Variants in HIVEP2 observed in about 807,000 individuals in gnomAD.
The protein encoded by HIVEP2 is HIVEP zinc finger 2, also known as transcription factor HIVEP2.
A neutral mutation model predicts 180.7 loss-of-function variants in HIVEP2; 14 were observed. The observed-to-expected ratio is 0.08, with a 90% confidence interval of 0.05 to 0.12. HIVEP2 has a LOEUF of 0.12. HIVEP2 is among the 10% of genes least tolerant of loss of function. The probability of loss-of-function intolerance (pLI) is 1.00; values close to 1 mark genes in which losing one functional copy is unlikely to be tolerated. For missense variants in HIVEP2, 2,579 were observed against 3,008.5 expected (o/e 0.86, Z 3.34); for synonymous variants, 1,184 against 1,136.4 (o/e 1.04, Z -0.84).
chr6:142,884,242 G>GAAATT (rs1312046769), intron 1 of HIVEP2, among the ~76,000 whole-genome samples: 3 of 151,846 alleles, frequency 2.0e-5, no homozygotes, highest in African/African-American at 7.3e-5. Context: ...AAACCATTAA[G>GAAATT]AAATTAATTA....
intron 2 of HIVEP2, among the ~76,000 whole-genome samples, chr6:142,821,867 G>A (rs1777048491): frequency 1.3e-5 from 2 of 152,198 alleles, no homozygotes; most frequent in Non-Finnish European, 2.9e-5. Context: ...ATGGGACATA[G>A]AGGCAGGCAT....
intron 2 of HIVEP2, among the ~76,000 whole-genome samples, chr6:142,808,473 G>A (rs1441955951): frequency 1.3e-5 from 2 of 149,282 alleles, no homozygotes; most frequent in Admixed American, 1.3e-4. Flanking sequence ...AGAGAGAGAT[G>A]TGGGAGGGAT....
intron 1 of HIVEP2, among the ~76,000 whole-genome samples, chr6:142,848,852 T>TGG (rs1168946896): frequency 6.6e-6 from 1 of 152,194 alleles, no homozygotes; most frequent in African/African-American, 2.4e-5. Flanking sequence ...TTAAATCAAG[T>TGG]GAAAGCACCA....
intron 2 of HIVEP2, among the ~76,000 whole-genome samples, chr6:142,797,680 A>AG (rs1262459553): frequency 6.6e-6 from 1 of 152,164 alleles, no homozygotes; most frequent in Non-Finnish European, 1.5e-5. Flanking sequence ...AATGAGAGAG[A>AG]GACCACACTC....
At chr6:142,935,979 G>C (rs534857765) in intron 1 of HIVEP2, among the ~76,000 whole-genome samples, 1 of 152,046 alleles carries the variant, frequency 6.6e-6, no homozygotes, top group South Asian at 2.1e-4. Context: ...CGCGCATGGT[G>C]GTGCCAGCCT....
intron 2 of HIVEP2, among the ~76,000 whole-genome samples, chr6:142,797,419 A>G (rs1331607281): frequency 6.6e-6 from 1 of 152,190 alleles, no homozygotes; most frequent in Non-Finnish European, 1.5e-5. Flanking sequence ...GGGAGACAGT[A>G]ATTAGGATTT....
intron 4 of HIVEP2, among the ~76,000 whole-genome samples, chr6:142,775,476 G>A (rs966809752): frequency 3.3e-5 from 5 of 152,030 alleles, no homozygotes; most frequent in African/African-American, 1.2e-4. Context: ...TCCTAACCAA[G>A]TTTTATGACT....
rs191098965 is a variant in HIVEP2, at chr6:142,761,749, T to C, written c.5519-184A>G. ...AAGAATAATCTGGTCTTTGAAGATA[T>C]CAATCCCTGAGAGCTTTGGCCCAAT... On this transcript the variant is annotated intron_variant, in intron 7 of 9. Coordinates refer to ENST00000367603, the MANE Select transcript of HIVEP2 (RefSeq NM_006734.4). 4.6e-5 allele frequency among the ~76,000 whole-genome samples: 7 copies of C among 152,354 alleles called. No individual in the cohort carries two copies. The East Asian group carries it at 1.3e-3, about 29-fold the overall frequency.
At chr6:142,817,623 AG>A (rs994234663) in intron 2 of HIVEP2, among the ~76,000 whole-genome samples, 1 of 152,240 alleles carries the variant, frequency 6.6e-6, no homozygotes, top group African/African-American at 2.4e-5. Flanking sequence ...AATTTTTAAG[AG>A]TAAAGAAATT....
At chr6:142,817,962 C>T (rs542047574) in intron 2 of HIVEP2, among the ~76,000 whole-genome samples, 10 of 150,798 alleles carry the variant, frequency 6.6e-5, no homozygotes, top group African/African-American at 2.2e-4. Context: ...GCCAAGATCA[C>T]GCCACTGCAC....
intron 2 of HIVEP2, among the ~76,000 whole-genome samples, chr6:142,807,894 G>A (rs1776591229): frequency 6.6e-6 from 1 of 152,182 alleles, no homozygotes; most frequent in South Asian, 2.1e-4. Flanking sequence ...AAGGCCAGCT[G>A]TAGAGCATGT....
chr6:142,811,938 C>A (rs1776709993), intron 2 of HIVEP2, among the ~76,000 whole-genome samples: 1 of 152,182 alleles, frequency 6.6e-6, no homozygotes, highest in Non-Finnish European at 1.5e-5. Flanking sequence ...CAATAGCTCT[C>A]AAGATGCTGG....
intron 1 of HIVEP2, among the ~76,000 whole-genome samples, chr6:142,858,944 A>G (rs571015292): frequency 6.6e-6 from 1 of 152,046 alleles, no homozygotes; most frequent in Non-Finnish European, 1.5e-5. Context: ...CATTTACTAT[A>G]CTGCAGTTTG....
rs117243510 is a variant in HIVEP2, at chr6:142,773,277, T to A, written c.1462A>T (p.Ser488Cys). ...GTGGATTTCAGCATGCTCGTTTGAC[T>A]GGGGTCGACATCTCCCTTGCTTGGG... ...LIPSKGDVDPSQTSMLKSTKF... is the reference protein window; with the variant it reads ...LIPSKGDVDPCQTSMLKSTKF... The change falls in exon 5 of 10, where the codon AGT (serine) becomes TGT (cysteine). Residue 488 changes from serine to cysteine, a missense_variant. By Grantham distance (112) the Ser-to-Cys change is moderately radical. Transcript: ENST00000367603. 1.5e-5 allele frequency: 24 copies of A among 1,614,210 alleles called. No individual in the cohort carries two copies. The East Asian group carries it at 5.1e-4, about 34-fold the overall frequency.
chr6:142,808,886 G>A (rs1466908147), intron 2 of HIVEP2, among the ~76,000 whole-genome samples: 3 of 152,072 alleles, frequency 2.0e-5, no homozygotes, highest in Non-Finnish European at 4.4e-5. Context: ...CTGTCAGTAT[G>A]CCATAGTACA....
At chr6:142,867,305 T>A (rs1165233359) in intron 1 of HIVEP2, among the ~76,000 whole-genome samples, 1 of 152,162 alleles carries the variant, frequency 6.6e-6, no homozygotes, top group East Asian at 1.9e-4. Context: ...TACACATCAG[T>A]GGTCTTTCTT....
At chr6:142,831,622 A>T (rs1775084313) in intron 2 of HIVEP2, among the ~76,000 whole-genome samples, 1 of 152,180 alleles carries the variant, frequency 6.6e-6, no homozygotes, top group Non-Finnish European at 1.5e-5. Flanking sequence ...ATTTTTTCAG[A>T]GGTCAATTAT....
chr6:142,772,370 C>G lies in HIVEP2; in HGVS notation c.2369G>C (p.Gly790Ala). Residue 790 changes from glycine to alanine, a missense_variant, in exon 5 of 10, where the codon GGG becomes GCG. Gly to Ala is a moderately conservative substitution (Grantham distance 60, BLOSUM62 0). Around this residue, in one of 11 missense-constraint regions of HIVEP2, gnomAD observed 524 missense variants for 563.6 expected, o/e 0.93. Coordinates refer to ENST00000367603, the MANE Select transcript of HIVEP2 (RefSeq NM_006734.4). This position sits in a 1 kb window ranked among gnomAD's most constrained non-coding sequence, Gnocchi z 4.9. Reference protein sequence around the residue: ...AIDSDKMSDLGGRKPPGNVIS... With the variant: ...AIDSDKMSDLAGRKPPGNVIS... ...CACATTTCCAGGAGGTTTCCTGCCC[C>G]CTAGGTCTGACATCTTGTCTGAATC... is the stretch of plus-strand genomic sequence containing the variant. The G allele has an allele frequency of 6.2e-7, 1 of 1,614,208 alleles. No individual in the cohort carries two copies. The highest frequency in any genetic ancestry group is 8.5e-7 in the Non-Finnish European group (1 of 1,180,032).
intron 1 of HIVEP2, among the ~76,000 whole-genome samples, chr6:142,842,752 A>C (rs1240791793): frequency 6.6e-6 from 1 of 152,148 alleles, no homozygotes. Context: ...GAAAAAAAAA[A>C]AGTAACTAAG....
Sources: gnomAD v4.1 joint callset for allele counts (sites outside exome capture counted in the v4.1 genomes callset) on GRCh38, gnomAD v4.1.1 for gene constraint, gnomAD v4.1.1 regional missense constraint, Gnocchi (gnomAD v3.1) non-coding constraint, MANE v1.5 for transcripts, NCBI Gene and HGNC (gene_info 2026-07-23, HGNC 2026-07-21) for gene names.